The following IARS2 variants were observed in gnomAD, a reference collection of about 807,000 sequenced individuals.
IARS2 encodes the protein isoleucine--tRNA ligase, mitochondrial.
IARS2 carries 56 observed loss-of-function variants against 126.3 expected under a neutral mutation model. The observed-to-expected ratio is 0.44, with a 90% CI of 0.36 to 0.55. The LOEUF is 0.55. Ranked by LOEUF, IARS2 falls within the 20% of genes least tolerant of loss-of-function variation. IARS2 has a pLI of 0.00. For synonymous variants in IARS2, 407 were observed against 441.1 expected, an observed-to-expected ratio of 0.92 and a Z score of 0.97; for missense variants, 1,127 against 1,245.9, an observed-to-expected ratio of 0.90 and a Z score of 1.44.
chr1:220,134,389 A>T lies in IARS2; in HGVS notation c.1838-13A>T. 4 of 1,542,550 alleles carry T rather than the reference A, an allele frequency of 2.6e-6. No individual in the cohort carries two copies. The highest frequency in any genetic ancestry group is 3.5e-6 in the Non-Finnish European group (4 of 1,146,068). ...TTTCTGGGTTTTTTTTTCTTTTAATACTTAATTTTGAGGTCCTGACCAAAG... is the reference window on the plus strand; with the variant it reads ...TTTCTGGGTTTTTTTTTCTTTTAATTCTTAATTTTGAGGTCCTGACCAAAG... On this transcript the variant is annotated splice_polypyrimidine_tract_variant and intron_variant, in intron 14 of 22. Transcript: ENST00000366922.
intron 11 of IARS2, among the ~76,000 whole-genome samples, chr1:220,111,832 A>G (rs1022266128): frequency 6.6e-6 from 1 of 152,068 alleles, no homozygotes; most frequent in Admixed American, 6.6e-5. Flanking sequence ...GTGGACAACT[A>G]TAATATATAG....
At chr1:220,097,296 C>T (rs771496478) in intron 2 of IARS2, among the ~76,000 whole-genome samples, 1 of 151,800 alleles carries the variant, frequency 6.6e-6, no homozygotes, top group African/African-American at 2.4e-5. Context: ...CACCCCAGAC[C>T]CCCAGCACAT....
At chr1:220,110,128 C>T (rs893843383) in intron 10 of IARS2, among the ~76,000 whole-genome samples, 2 of 151,268 alleles carry the variant, frequency 1.3e-5, no homozygotes, top group African/African-American at 4.8e-5. Context: ...AATCTCGGTT[C>T]ACTACAGCCT....
chr1:220,137,770 T>G, intron 16 of IARS2, 148 bp from the exon 17 acceptor site: 2 of 779,030 alleles, frequency 2.6e-6, no homozygotes, highest in African/African-American at 1.7e-5. Flanking sequence ...AATTTGAGAT[T>G]GTTAGCCCGC....
chr1:220,133,100 T>C (rs1269996572), intron 14 of IARS2, among the ~76,000 whole-genome samples: 1 of 151,388 alleles, frequency 6.6e-6, no homozygotes, highest in East Asian at 2.0e-4. Context: ...AACCTCCACC[T>C]CCCAGGTTCA....
intron 12 of IARS2, among the ~76,000 whole-genome samples, chr1:220,123,712 C>T (rs1308489050): frequency 2.6e-5 from 4 of 152,196 alleles, no homozygotes; most frequent in South Asian, 2.1e-4. Flanking sequence ...CTCCTGAGCT[C>T]GTGATCCGCC....
Position 220,102,672 on chromosome 1 carries a change from A to G in IARS2, c.860-15A>G, listed in dbSNP as rs1392913876. ...TATCCCATTTGCTAACATATTTACAATTGTATTTTCACAGATGGTTCATCT... is the reference window on the plus strand; with the variant it reads ...TATCCCATTTGCTAACATATTTACAGTTGTATTTTCACAGATGGTTCATCT... On this transcript the variant is annotated splice_polypyrimidine_tract_variant and intron_variant, in intron 6 of 22. Coordinates refer to ENST00000366922, the MANE Select transcript of IARS2 (RefSeq NM_018060.4). 1.9e-6 allele frequency: 3 copies of G among 1,602,288 alleles called. No homozygotes were observed. Among genetic ancestry groups the G allele is most frequent in the African/African-American group, 1.3e-5 (1 of 74,682 alleles).
chr1:220,143,589 C>T (rs947394082), intron 21 of IARS2, among the ~76,000 whole-genome samples: 4 of 152,048 alleles, frequency 2.6e-5, no homozygotes, highest in South Asian at 2.1e-4. Context: ...TGATCGCGAT[C>T]GTCTTTGAAT....
chr1:220,121,628 G>A (rs925173520), intron 12 of IARS2, among the ~76,000 whole-genome samples: 3 of 152,010 alleles, frequency 2.0e-5, no homozygotes, highest in African/African-American at 7.2e-5. Flanking sequence ...TTTTAAAATA[G>A]ATGTGGGGTC....
chr1:220,095,148 C>A (rs1450129125), intron 1 of IARS2, among the ~76,000 whole-genome samples: 1 of 152,210 alleles, frequency 6.6e-6, no homozygotes, highest in Non-Finnish European at 1.5e-5. Flanking sequence ...AGGCAATTCT[C>A]CTGCCTTAGC....
intron 8 of IARS2, 48 bp downstream of exon 8, chr1:220,103,610 T>A: frequency 8.3e-7 from 1 of 1,199,560 alleles, no homozygotes; most frequent in Non-Finnish European, 1.2e-6. Context: ...AGTATTGGGC[T>A]GACTTGAATT....
At chr1:220,135,392 G>C (rs917242937) in intron 15 of IARS2, among the ~76,000 whole-genome samples, 2 of 151,504 alleles carry the variant, frequency 1.3e-5, no homozygotes, top group Non-Finnish European at 2.9e-5. Flanking sequence ...ATGGAGTCTT[G>C]TTCTATTGCC....
At chr1:220,146,517 CAAAAAAAAAAAA>C (rs1186000971) in intron 22 of IARS2, among the ~76,000 whole-genome samples, 10 of 62,070 alleles carry the variant, frequency 1.6e-4, no homozygotes, top group African/African-American at 5.7e-4. Context: ...GACTCCGTCT[CAAAAAAAAAAAA>C]AAAAAAAAAA....
At chr1:220,110,730 T>A in intron 10 of IARS2, 56 bp from the exon 11 acceptor site, 1 of 1,353,726 alleles carries the variant, frequency 7.4e-7, no homozygotes, top group Non-Finnish European at 1.0e-6. Context: ...AGAGCATTTT[T>A]AGGATTTTCA....
intron 14 of IARS2, among the ~76,000 whole-genome samples, chr1:220,134,187 T>G (rs1277080397): frequency 1.3e-5 from 2 of 152,204 alleles, no homozygotes; most frequent in South Asian, 2.1e-4. Flanking sequence ...TTTCAGTACA[T>G]CATTTCAGAA....
chr1:220,095,304 G>T (rs1449133322), intron 1 of IARS2, among the ~76,000 whole-genome samples: 1 of 152,204 alleles, frequency 6.6e-6, no homozygotes, highest in African/African-American at 2.4e-5. Context: ...CTCCCAAAGT[G>T]CTGGGATTAC....
At chr1:220,103,369 G>A in intron 7 of IARS2, 78 bp from the exon 8 acceptor site, 1 of 927,358 alleles carries the variant, frequency 1.1e-6, no homozygotes, top group Non-Finnish European at 1.7e-6. Flanking sequence ...TTTCTAAAAT[G>A]ATTATTTAAA....
At chr1:220,109,069 G>C (rs1387976146) in intron 10 of IARS2, among the ~76,000 whole-genome samples, 4 of 151,932 alleles carry the variant, frequency 2.6e-5, no homozygotes, top group Non-Finnish European at 4.4e-5. Flanking sequence ...ATCGGAAAGT[G>C]GGGATTGGGT....
intron 22 of IARS2, among the ~76,000 whole-genome samples, chr1:220,147,073 G>A (rs1461551963): frequency 6.6e-6 from 1 of 152,034 alleles, no homozygotes; most frequent in Admixed American, 6.6e-5. Flanking sequence ...AGATATTTTT[G>A]GTTCCTTTTG....
Sources: allele counts gnomAD v4.1 joint callset (sites outside exome capture counted in the v4.1 genomes callset), GRCh38; gene constraint gnomAD v4.1.1; transcripts MANE v1.5; gene names NCBI Gene and HGNC (gene_info 2026-07-23, HGNC 2026-07-21).